Variants in TTC39B observed in about 807,000 individuals in gnomAD.
The protein encoded by TTC39B is tetratricopeptide repeat domain 39B, also known as tetratricopeptide repeat protein 39B.
TTC39B carries 92 observed loss-of-function variants against 96.6 expected under a neutral mutation model. That is an observed-to-expected ratio of 0.95 (90% CI 0.80 to 1.13). TTC39B has a LOEUF of 1.13. TTC39B is among the 50% of genes most tolerant of loss of function. TTC39B has a pLI of 0.00. For missense variants in TTC39B, 955 were observed against 809.3 expected, an observed-to-expected ratio of 1.18 and a Z score of -2.18; for synonymous variants, 367 against 299.4, an observed-to-expected ratio of 1.23 and a Z score of -2.33.
chr9:15,226,489 A>G (rs1821130594), intron 2 of TTC39B, among the ~76,000 whole-genome samples: 1 of 152,212 alleles, frequency 6.6e-6, no homozygotes, highest in Non-Finnish European at 1.5e-5. Flanking sequence ...GGAAATAATG[A>G]TAATTTGTTA....
At chr9:15,166,994 A>ATATC in exon 20 of TTC39B, 1 of 4,336 alleles carries the variant, frequency 2.3e-4, no homozygotes, top group Non-Finnish European at 3.7e-4. Flanking sequence ...ATATATATAT[A>ATATC]TATATATATA....
intron 1 of TTC39B, among the ~76,000 whole-genome samples, chr9:15,272,291 G>A (rs1256416745): frequency 6.6e-6 from 1 of 152,108 alleles, no homozygotes; most frequent in Non-Finnish European, 1.5e-5. Flanking sequence ...AAGTCTCTTT[G>A]CTTCTCCATA....
intron 5 of TTC39B, 128 bp from the exon 6 acceptor site, chr9:15,210,292 G>T (rs1288325965): frequency 8.0e-6 from 5 of 624,912 alleles, no homozygotes; most frequent in Non-Finnish European, 1.4e-5. Flanking sequence ...TCTAAACCCT[G>T]AAGTCTATAG....
At chr9:15,237,848 C>G (rs191429601) in intron 2 of TTC39B, among the ~76,000 whole-genome samples, 1 of 152,102 alleles carries the variant, frequency 6.6e-6, no homozygotes, top group African/African-American at 2.4e-5. Context: ...AGAAAACTAC[C>G]AACCAATATC....
chr9:15,177,989 C>T (rs1347148923), intron 17 of TTC39B, among the ~76,000 whole-genome samples, 175 bp from the exon 18 acceptor site: 3 of 151,540 alleles, frequency 2.0e-5, no homozygotes, highest in African/African-American at 7.3e-5. Flanking sequence ...CCTGCCTCAG[C>T]CTCCCGAGTA....
At chr9:15,216,098 C>A (rs1820501788) in intron 3 of TTC39B, among the ~76,000 whole-genome samples, 1 of 152,132 alleles carries the variant, frequency 6.6e-6, no homozygotes, top group Non-Finnish European at 1.5e-5. Context: ...TAATCTAACG[C>A]AGAGCAGCCT....
At chr9:15,189,445 A>T in intron 13 of TTC39B, 129 bp downstream of exon 13, 1 of 902,246 alleles carries the variant, frequency 1.1e-6, no homozygotes. Context: ...TTACTTATAT[A>T]TTTTTTTCTT....
At chr9:15,265,002 G>A (rs978147755) in intron 2 of TTC39B, among the ~76,000 whole-genome samples, 1 of 151,872 alleles carries the variant, frequency 6.6e-6, no homozygotes, top group Non-Finnish European at 1.5e-5. Flanking sequence ...CCCAAACAGT[G>A]TGTTATTATT....
intron 2 of TTC39B, among the ~76,000 whole-genome samples, chr9:15,246,909 G>A (rs1822304386): frequency 6.6e-6 from 1 of 152,218 alleles, no homozygotes; most frequent in South Asian, 2.1e-4. Context: ...GATTGTTATT[G>A]TTTTAAGTCT....
intron 2 of TTC39B, among the ~76,000 whole-genome samples, chr9:15,258,997 C>T (rs538782713): frequency 6.6e-6 from 1 of 152,108 alleles, no homozygotes; most frequent in African/African-American, 2.4e-5. Context: ...CTAAACACAA[C>T]AGCAGACCAT....
At position 15,292,030 on chromosome 9, in the gene TTC39B, T is replaced by G. The variant is rs138491643; in HGVS notation, c.240+15054A>C. Among the ~76,000 whole-genome samples, 188 of 152,382 alleles carry G rather than the reference T, an allele frequency of 1.2e-3. 1 individual carries two copies. The highest frequency in any genetic ancestry group is 4.2e-3 in the African/African-American group (173 of 41,600). ...TGCCTGGCACCCTTTAAATCCTTAT[T>G]CGTGGCCATTAACTTAATTAGCAAA... On this transcript the variant is annotated intron_variant, in intron 1 of 19. Coordinates refer to ENST00000512701, the Ensembl canonical transcript of TTC39B.
intron 8 of TTC39B, among the ~76,000 whole-genome samples, chr9:15,193,204 C>T (rs1818960351): frequency 6.6e-6 from 1 of 152,202 alleles, no homozygotes; most frequent in Non-Finnish European, 1.5e-5. Context: ...CACAATGGCC[C>T]CATCTGTCCT....
At chr9:15,167,028 A>ATATAT (rs1554758710) in exon 20 of TTC39B, 2 of 11,024 alleles carry the variant, frequency 1.8e-4, no homozygotes, top group Non-Finnish European at 3.1e-4. Flanking sequence ...ATATATATAT[A>ATATAT]TTTTTTTTTT....
At chr9:15,305,588 A>T (rs904716761) in intron 1 of TTC39B, among the ~76,000 whole-genome samples, 3 of 151,844 alleles carry the variant, frequency 2.0e-5, no homozygotes, top group Admixed American at 2.0e-4. Flanking sequence ...ACAAATATTT[A>T]TTTACCAAGT....
At position 15,250,890 on chromosome 9, in the gene TTC39B, T is replaced by C. The variant is rs932826291; in HGVS notation, c.275+17024A>G. On this transcript the variant is annotated intron_variant, in intron 2 of 19. Transcript: ENST00000512701. ...CGTTTTTAGTATAGGACTCACTAAT[T>C]TTTCTAATTATAAAAGTAATACCAG... Among the ~76,000 whole-genome samples, 2 of 152,310 alleles carry C rather than the reference T, an allele frequency of 1.3e-5. 1 individual carries two copies. The highest frequency in any genetic ancestry group is 1.3e-4 in the Admixed American group (2 of 15,304).
At chr9:15,288,434 G>A (rs764267101) in intron 1 of TTC39B, among the ~76,000 whole-genome samples, 2 of 152,160 alleles carry the variant, frequency 1.3e-5, no homozygotes, top group Non-Finnish European at 2.9e-5. Context: ...GAGAAGAGAA[G>A]GAGTATCTGA....
intron 1 of TTC39B, among the ~76,000 whole-genome samples, chr9:15,289,132 G>A (rs1371335896): frequency 6.6e-6 from 1 of 152,198 alleles, no homozygotes; most frequent in Non-Finnish European, 1.5e-5. Flanking sequence ...GTGGCTCAAA[G>A]TGCCTTGCCC....
chr9:15,266,095 T>C (rs553495171), intron 2 of TTC39B, among the ~76,000 whole-genome samples: 1 of 152,330 alleles, frequency 6.6e-6, no homozygotes, highest in African/African-American at 2.4e-5. Context: ...TATTGATCAT[T>C]AATTGTGAGA....
chr9:15,295,375 C>T (rs1041569909), intron 1 of TTC39B, among the ~76,000 whole-genome samples: 4 of 152,136 alleles, frequency 2.6e-5, no homozygotes, highest in Non-Finnish European at 5.9e-5. Flanking sequence ...ACCTCTTAGT[C>T]AAGTTTGAGA....
Sources: allele counts gnomAD v4.1 joint callset (sites outside exome capture counted in the v4.1 genomes callset), GRCh38; gene constraint gnomAD v4.1.1; transcripts MANE v1.5; gene names NCBI Gene and HGNC (gene_info 2026-07-23, HGNC 2026-07-21).